Variants in GRK4 observed in about 807,000 individuals in gnomAD.
GRK4 encodes the protein G protein-coupled receptor kinase 4.
Under a neutral mutation model 77.9 loss-of-function variants are expected in GRK4, and 73 were observed. That is an observed-to-expected ratio of 0.94 (90% CI 0.78 to 1.14). GRK4 has a LOEUF of 1.14. GRK4 is among the 50% of genes most tolerant of loss of function. GRK4 has a pLI of 0.00. For synonymous variants in GRK4, 257 were observed against 254.4 expected, an observed-to-expected ratio of 1.01 and a Z score of -0.10; for missense variants, 729 against 700.2, an observed-to-expected ratio of 1.04 and a Z score of -0.46.
At chr4:2,989,113 G>A (rs1361589762) in intron 3 of GRK4, among the ~76,000 whole-genome samples, 9 of 151,790 alleles carry the variant, frequency 5.9e-5, no homozygotes, top group Non-Finnish European at 8.8e-5. Flanking sequence ...ACCAGGAGGC[G>A]GAGGTTGCAG....
chr4:3,035,327 G>A, intron 12 of GRK4, 59 bp from the exon 13 acceptor site: 2 of 1,573,368 alleles, frequency 1.3e-6, no homozygotes, highest in Middle Eastern at 1.8e-4. Context: ...ATGCAGGGGA[G>A]TTTTGAGTTT....
intron 15 of GRK4, among the ~76,000 whole-genome samples, chr4:3,040,170 C>G (rs1231311490): frequency 6.6e-6 from 1 of 152,108 alleles, no homozygotes; most frequent in African/African-American, 2.4e-5. Flanking sequence ...GCCGGGCACG[C>G]TGGCTCACAC....
chr4:3,038,101 C>T (rs529909303), intron 14 of GRK4, among the ~76,000 whole-genome samples: 1 of 152,344 alleles, frequency 6.6e-6, no homozygotes, highest in South Asian at 2.1e-4. Context: ...CCGAGCCCCA[C>T]TCCCTAAGCA....
At position 3,014,878 on chromosome 4, in the gene GRK4, C is replaced by T. The variant is rs918107393; in HGVS notation, c.741+1050C>T. On this transcript the variant is annotated intron_variant, in intron 8 of 15. Transcript: ENST00000398052. ...CTGGGCTCAAGTGATCCACCTGCCT[C>T]AGCTTCCCAAAGTGTTGGGATTACA... 4.6e-5 allele frequency among the ~76,000 whole-genome samples: 7 copies of T among 152,266 alleles called. No homozygotes were observed. In the South Asian group the frequency reaches 1.5e-3, roughly 32 times the overall value.
At chr4:3,004,756 TGAG>T (rs1730807710) in intron 5 of GRK4, among the ~76,000 whole-genome samples, 2 of 152,012 alleles carry the variant, frequency 1.3e-5, no homozygotes, top group East Asian at 1.9e-4. Flanking sequence ...ATCTGCACGT[TGAG>T]GAGGCTGAGG....
At chr4:3,038,321 C>T (rs1238815009) in intron 14 of GRK4, 55 bp from the exon 15 acceptor site, 14 of 1,606,526 alleles carry the variant, frequency 8.7e-6, no homozygotes, top group African/African-American at 1.3e-5. Context: ...GGGAGACACC[C>T]ACTGACCTGG....
At chr4:3,035,702 C>A (rs902562455) in intron 13 of GRK4, among the ~76,000 whole-genome samples, 179 bp downstream of exon 13, 1 of 151,928 alleles carries the variant, frequency 6.6e-6, no homozygotes, top group African/African-American at 2.4e-5. Flanking sequence ...GGATTATAGG[C>A]GTGAGCCACT....
intron 4 of GRK4, among the ~76,000 whole-genome samples, chr4:2,998,785 C>T (rs1372912319): frequency 6.6e-6 from 1 of 152,002 alleles, no homozygotes; most frequent in Non-Finnish European, 1.5e-5. Context: ...GCAGTACTCC[C>T]CAAATTGATC....
chr4:3,036,053 C>T (rs1447689313), intron 13 of GRK4, among the ~76,000 whole-genome samples: 1 of 152,198 alleles, frequency 6.6e-6, no homozygotes, highest in Non-Finnish European at 1.5e-5. Flanking sequence ...ACTCCTGGCC[C>T]CAAGTGATCC....
intron 5 of GRK4, 120 bp downstream of exon 5, chr4:3,004,454 A>G (rs942048315): frequency 1.1e-5 from 7 of 612,042 alleles, no homozygotes; most frequent in African/African-American, 7.4e-5. Flanking sequence ...CTTGAACAAC[A>G]TGGGCATTAG....
intron 10 of GRK4, among the ~76,000 whole-genome samples, chr4:3,026,066 T>A (rs1737464221): frequency 6.6e-6 from 1 of 152,240 alleles, no homozygotes; most frequent in African/African-American, 2.4e-5. Context: ...CGGTGCTGTT[T>A]CCGTTGGTGC....
intron 4 of GRK4, among the ~76,000 whole-genome samples, chr4:2,995,183 T>C (rs1414323122): frequency 3.9e-5 from 6 of 152,208 alleles, no homozygotes; most frequent in African/African-American, 1.4e-4. Flanking sequence ...CGGTTTATCA[T>C]TGATGGGCAT....
At chr4:3,019,145 C>T (rs1416327853) in intron 8 of GRK4, among the ~76,000 whole-genome samples, 24 of 152,076 alleles carry the variant, frequency 1.6e-4, no homozygotes, top group Admixed American at 1.6e-3. Flanking sequence ...GAAAGGGTCC[C>T]CTATCTTTGC....
chr4:2,995,518 A>AG (rs2109723106), intron 4 of GRK4, among the ~76,000 whole-genome samples: 1 of 151,530 alleles, frequency 6.6e-6, no homozygotes, highest in East Asian at 1.9e-4. Context: ...AAAAAAAAAA[A>AG]AAAAAAAAAA....
chr4:2,981,282 C>T (rs1218963412), intron 1 of GRK4, among the ~76,000 whole-genome samples: 1 of 152,236 alleles, frequency 6.6e-6, no homozygotes, highest in African/African-American at 2.4e-5. Flanking sequence ...TGTATTACAG[C>T]TCTTTCAGTC....
chr4:3,033,317 T>C (rs1460417616), intron 12 of GRK4, among the ~76,000 whole-genome samples: 2 of 152,266 alleles, frequency 1.3e-5, no homozygotes, highest in Non-Finnish European at 2.9e-5. Context: ...CTGGGGCCCC[T>C]TTTCTAATGG....
intron 1 of GRK4, chr4:2,966,030 T>C (rs1329950822): frequency 1.3e-5 from 2 of 158,920 alleles, no homozygotes; most frequent in African/African-American, 4.8e-5. Flanking sequence ...AGAGATTAGA[T>C]AATGAGATAA....
chr4:3,015,703 G>A (rs927767939), intron 8 of GRK4, among the ~76,000 whole-genome samples: 4 of 151,646 alleles, frequency 2.6e-5, no homozygotes, highest in African/African-American at 7.3e-5. Context: ...AGCACAGTGT[G>A]TGTATATGAT....
Position 3,038,392 on chromosome 4 carries a change from G to A in GRK4, c.1562G>A (p.Cys521Tyr). The A allele has an allele frequency of 6.2e-7, 1 of 1,614,204 alleles. No homozygotes were observed. Among genetic ancestry groups the A allele is most frequent in the Non-Finnish European group, 8.5e-7 (1 of 1,180,038 alleles). ...PWQNEMIESG[C>Y]FKDINKSESE... ...TGCATGCAGATGATCGAATCTGGGTGTTTCAAAGACATCAACAAAAGTGAA... is the reference window on the plus strand; with the variant it reads ...TGCATGCAGATGATCGAATCTGGGTATTTCAAAGACATCAACAAAAGTGAA... The change falls in exon 15 of 16, where the codon TGT (cysteine) becomes TAT (tyrosine). Residue 521 changes from cysteine (C) to tyrosine (Y), a missense_variant. Coordinates refer to ENST00000398052, the MANE Select transcript of GRK4 (RefSeq NM_182982.3).
Sources: gnomAD v4.1 joint callset for allele counts (sites outside exome capture counted in the v4.1 genomes callset) on GRCh38, gnomAD v4.1.1 for gene constraint, MANE v1.5 for transcripts, NCBI Gene and HGNC (gene_info 2026-07-23, HGNC 2026-07-21) for gene names.